MICU1: variants seen among roughly 807,000 people sequenced by gnomAD.
MICU1 encodes calcium uptake protein 1, mitochondrial.
A neutral mutation model predicts 56.8 loss-of-function variants in MICU1; 45 were observed. The ratio of observed to expected loss-of-function variants is 0.79; its 90% confidence interval spans 0.62 to 1.02. MICU1 has a LOEUF of 1.02. Ranked by LOEUF, MICU1 falls within the 50% of genes least tolerant of loss-of-function variation. The pLI, the probability that MICU1 is intolerant of heterozygous loss-of-function variation, is 0.00. For missense variants in MICU1, 504 were observed against 587.1 expected (o/e 0.86, Z 1.46); for synonymous variants, 186 against 195.1 (o/e 0.95, Z 0.39).
At position 72,554,878 on chromosome 10, in the gene MICU1, GGT is replaced by G. The variant is rs1840120988; in HGVS notation, c.331-3539_331-3538del. On this transcript the variant is annotated intron_variant, in intron 3 of 11. Transcript: ENST00000361114. The stretch of plus-strand genomic sequence containing the variant: ...AAAAATACAAAAATTAGGTAGTTGT[GGT>G]GGTACACACCTGTAGTCCCAGCTAC... Among the ~76,000 whole-genome samples, 3 of 152,106 alleles carry G rather than the reference GGT, an allele frequency of 2.0e-5. No individual in the cohort carries two copies. In the South Asian group the frequency reaches 6.2e-4, roughly 32 times the overall value.
chr10:72,508,395 G>A (rs1037029278), intron 5 of MICU1, 126 bp from the exon 6 acceptor site: 19 of 437,320 alleles, frequency 4.3e-5, no homozygotes, highest in Admixed American at 2.3e-4. Context: ...TTCTCTCATG[G>A]CCATTCAAAA....
At chr10:72,516,567 G>C (rs959400176) in intron 5 of MICU1, among the ~76,000 whole-genome samples, 3 of 152,032 alleles carry the variant, frequency 2.0e-5, no homozygotes, top group Non-Finnish European at 4.4e-5. Flanking sequence ...TATGGTTTTA[G>C]GTCTTACATT....
chr10:72,479,994 T>A (rs982058909), intron 6 of MICU1, among the ~76,000 whole-genome samples: 5 of 152,218 alleles, frequency 3.3e-5, no homozygotes, highest in African/African-American at 1.2e-4. Context: ...ATGAAGCCAC[T>A]GAAGGTTTTA....
intron 5 of MICU1, among the ~76,000 whole-genome samples, chr10:72,520,262 C>A (rs1867777851): frequency 6.6e-6 from 1 of 152,038 alleles, no homozygotes; most frequent in Non-Finnish European, 1.5e-5. Context: ...CTAGTTGGTG[C>A]ATGGATTGAT....
At position 72,551,296 on chromosome 10, in the gene MICU1, TGTCTGGC is replaced by T; in HGVS notation, c.369_375del (p.Pro124LysfsTer9). On this transcript the variant is annotated frameshift_variant, in exon 4 of 12. Transcript: ENST00000361114. LOFTEE classifies it high-confidence loss of function. Reference sequence around the variant, plus strand: ...AAGGTGGCAAAATATCGGAAGATTTTGTCTGGCGTGGAGTAGGCTCGAATCCTATTCT... The same window carrying T: ...AAGGTGGCAAAATATCGGAAGATTTTGTGGAGTAGGCTCGAATCCTATTCT... The T allele has an allele frequency of 6.2e-7, 1 of 1,613,482 alleles. No homozygotes were observed. Among genetic ancestry groups the T allele is most frequent in the Non-Finnish European group, 8.5e-7 (1 of 1,179,644 alleles).
At chr10:72,444,725 A>T (rs539926210) in intron 8 of MICU1, among the ~76,000 whole-genome samples, 1 of 152,358 alleles carries the variant, frequency 6.6e-6, no homozygotes, top group Non-Finnish European at 1.5e-5. Flanking sequence ...TTGGGATTAC[A>T]GGCGTGAGCC....
intron 1 of MICU1, among the ~76,000 whole-genome samples, chr10:72,589,069 C>A (rs1841148274): frequency 6.6e-6 from 1 of 152,094 alleles, no homozygotes; most frequent in Non-Finnish European, 1.5e-5. Context: ...GGGTGGATCA[C>A]CTGAGGTCAG....
At chr10:72,455,583 T>A (rs751571743) in intron 8 of MICU1, among the ~76,000 whole-genome samples, 27 of 152,126 alleles carry the variant, frequency 1.8e-4, no homozygotes, top group Non-Finnish European at 3.4e-4. Flanking sequence ...AAGTTTATTA[T>A]AAAGTATCAC....
chr10:72,549,178 T>C (rs1839968690), intron 4 of MICU1, among the ~76,000 whole-genome samples: 1 of 151,550 alleles, frequency 6.6e-6, no homozygotes, highest in Non-Finnish European at 1.5e-5. Context: ...GTTTCATGTG[T>C]CTGTTTTTTT....
At chr10:72,479,320 A>C (rs1425071692) in intron 6 of MICU1, among the ~76,000 whole-genome samples, 1 of 152,210 alleles carries the variant, frequency 6.6e-6, no homozygotes, top group African/African-American at 2.4e-5. Context: ...CACACTCTTC[A>C]TGCTGACACG....
chr10:72,597,836 CTG>C (rs959557096), intron 1 of MICU1, among the ~76,000 whole-genome samples: 25 of 152,120 alleles, frequency 1.6e-4, no homozygotes, highest in African/African-American at 5.3e-4. Context: ...ACTGAATAAA[CTG>C]TGTGTTGTGC....
chr10:72,579,501 T>C (rs1201024779), intron 1 of MICU1, among the ~76,000 whole-genome samples: 1 of 152,168 alleles, frequency 6.6e-6, no homozygotes, highest in African/African-American at 2.4e-5. Context: ...AATCCACAAA[T>C]CTGAAATGCC....
At chr10:72,443,244 G>A (rs1459542217) in intron 8 of MICU1, among the ~76,000 whole-genome samples, 2 of 151,972 alleles carry the variant, frequency 1.3e-5, no homozygotes, top group African/African-American at 4.8e-5. Flanking sequence ...AAATTTGTTT[G>A]AGTTCATTGT....
chr10:72,369,590 C>A (rs905572671), intron 11 of MICU1, among the ~76,000 whole-genome samples: 2 of 152,160 alleles, frequency 1.3e-5, no homozygotes, highest in East Asian at 3.9e-4. Flanking sequence ...TGGTGAAAAC[C>A]AAAATCAAAC....
At chr10:72,496,673 T>C (rs1278161146) in intron 6 of MICU1, among the ~76,000 whole-genome samples, 1 of 152,134 alleles carries the variant, frequency 6.6e-6, no homozygotes, top group Non-Finnish European at 1.5e-5. Flanking sequence ...TGACCTCAGG[T>C]GATCCACCCA....
At chr10:72,457,803 C>T (rs1336950482) in intron 8 of MICU1, among the ~76,000 whole-genome samples, 7 of 152,140 alleles carry the variant, frequency 4.6e-5, no homozygotes, top group Non-Finnish European at 1.0e-4. Context: ...AATTCCACTA[C>T]AGCAAATAAG....
At position 72,408,059 on chromosome 10, in the gene MICU1, G is replaced by A. The variant is rs745948814; in HGVS notation, c.1072-22C>T. The stretch of plus-strand genomic sequence containing the variant: ...GACCCTGCAAGAGGAGAGACAGCAA[G>A]GTAAGGCAGGACCTGTAACAAAAAG... On this transcript the variant is annotated intron_variant, in intron 9 of 11. Coordinates refer to ENST00000361114, the MANE Select transcript of MICU1 (RefSeq NM_001195518.2). 6 of 1,533,270 alleles carry A rather than the reference G, an allele frequency of 3.9e-6. No individual in the cohort carries two copies. In the South Asian group the frequency reaches 6.8e-5, roughly 17 times the overall value. The allele number at this position is 1,533,270 out of a possible 1,614,324, so 95.0% of individuals were successfully genotyped here. A position where few individuals can be genotyped will look rare whatever the true frequency, so the allele number is the denominator to read the frequency against.
intron 6 of MICU1, among the ~76,000 whole-genome samples, chr10:72,479,479 G>A (rs996314335): frequency 2.6e-5 from 4 of 152,184 alleles, no homozygotes; most frequent in East Asian, 1.9e-4. Context: ...AGGCTTGACC[G>A]TAGTAAATGG....
At chr10:72,617,424 A>C (rs1053024552) in intron 1 of MICU1, among the ~76,000 whole-genome samples, 2 of 152,114 alleles carry the variant, frequency 1.3e-5, no homozygotes, top group Non-Finnish European at 2.9e-5. Context: ...GTACTATGCT[A>C]AGTACCTGAT....
Sources: allele counts gnomAD v4.1 joint callset (sites outside exome capture counted in the v4.1 genomes callset), GRCh38; gene constraint gnomAD v4.1.1; transcripts MANE v1.5; gene names NCBI Gene and HGNC (gene_info 2026-07-23, HGNC 2026-07-21).